Variants in CHRM3 observed in about 807,000 individuals in gnomAD.
The protein encoded by CHRM3 is muscarinic acetylcholine receptor M3.
CHRM3 carries 11 observed loss-of-function variants against 41.8 expected under a neutral mutation model. The ratio of observed to expected loss-of-function variants is 0.26; its 90% CI spans 0.17 to 0.44. CHRM3 has a LOEUF of 0.44. Among genes scored for constraint, CHRM3 ranks in the 20% least tolerant of loss-of-function variants. The pLI, the probability that CHRM3 is intolerant of heterozygous loss-of-function variation, is 1.00. For synonymous variants in CHRM3, 297 were observed against 301.4 expected (o/e 0.99, Z 0.15); for missense variants, 571 against 745.4 (o/e 0.77, Z 2.72).
intron 3 of CHRM3, among the ~76,000 whole-genome samples, chr1:239,549,034 A>G (rs1659555204): frequency 6.6e-6 from 1 of 152,148 alleles, no homozygotes; most frequent in Non-Finnish European, 1.5e-5. Flanking sequence ...GGAGCAAGTC[A>G]CATTTTACAT....
chr1:239,676,262 T>G (rs923521817), intron 4 of CHRM3, among the ~76,000 whole-genome samples: 1 of 152,142 alleles, frequency 6.6e-6, no homozygotes, highest in African/African-American at 2.4e-5. Context: ...CAGGGGAAAT[T>G]TGAGGATCAT....
rs112956335 is a variant in CHRM3 at position 239,715,756 on chromosome 1, A to C, written c.-147+37468A>C. On this transcript the variant is annotated intron_variant, in intron 5 of 6. Transcript: ENST00000676153. ...CAAAGAGTTAGGCTGGAATCAGTTC[A>C]TAGGGAGGAAAGGACATTGAGTTAA... is the stretch of plus-strand genomic sequence containing the variant. 3.1e-3 allele frequency among the ~76,000 whole-genome samples: 474 copies of C among 152,256 alleles called. 4 individuals are homozygous for C. The highest frequency in any genetic ancestry group is 0.01 in the African/African-American group (431 of 41,574).
intron 5 of CHRM3, among the ~76,000 whole-genome samples, chr1:239,750,814 G>C (rs1665747024): frequency 6.6e-6 from 1 of 152,074 alleles, no homozygotes; most frequent in South Asian, 2.1e-4. Context: ...TGGTTGGTAG[G>C]GCTGCCCAAT....
Position 239,404,418 on chromosome 1 carries a change from GAAAGAAAGAA to G in CHRM3, c.-521+17193_-521+17202del, listed in dbSNP as rs1558195844. On this transcript the variant is annotated intron_variant, in intron 1 of 6. Coordinates refer to ENST00000676153, the MANE Select transcript of CHRM3 (RefSeq NM_001375978.1). The stretch of plus-strand genomic sequence containing the variant: ...AAAGAAAGAAAGAAAGAAAAAGAAA[GAAAGAAAGAA>G]AGAAAGAAAGAAAGAAAGAAAGAAA... Among the ~76,000 whole-genome samples the G allele has an allele frequency of 3.1e-4, 25 of 80,374 alleles. 1 individual carries two copies. The East Asian group carries it at 7.8e-3, about 25-fold the overall frequency. 52.7% of individuals were successfully genotyped at this position (80,374 alleles called of 152,430 possible). A position where few individuals can be genotyped will look rare whatever the true frequency, so the allele number is the denominator to read the frequency against.
intron 4 of CHRM3, among the ~76,000 whole-genome samples, chr1:239,664,645 C>T (rs1268708850): frequency 2.0e-5 from 3 of 152,150 alleles, no homozygotes; most frequent in African/African-American, 7.2e-5. Flanking sequence ...GTTGTCCAGT[C>T]TCCCTCCCTG....
At position 239,589,214 on chromosome 1, in the gene CHRM3, G is replaced by A. The variant is rs111511832; in HGVS notation, c.-312-43010G>A. ...CTCCCAAATTGCTGGGATTACAGGC[G>A]TGAGCCACTGTGCCCAGTCTGAAAC... On this transcript the variant is annotated intron_variant, in intron 3 of 6. Transcript: ENST00000676153. Among the ~76,000 whole-genome samples the A allele has an allele frequency of 1.4e-3, 216 of 152,200 alleles. 3 individuals are homozygous for A. In the East Asian group the frequency reaches 0.022, roughly 16 times the overall value.
intron 5 of CHRM3, among the ~76,000 whole-genome samples, chr1:239,760,477 C>G (rs1172447948): frequency 6.7e-6 from 1 of 149,402 alleles, no homozygotes; most frequent in Non-Finnish European, 1.5e-5. Flanking sequence ...CTTGCCTGTT[C>G]GTCTACCTTT....
At position 239,889,317 on chromosome 1, in the gene CHRM3, C is replaced by T. The variant is rs558446941; in HGVS notation, c.-19-18116C>T. On this transcript the variant is annotated intron_variant, in intron 6 of 6. Coordinates refer to ENST00000676153, the MANE Select transcript of CHRM3 (RefSeq NM_001375978.1). ...TTGCATAGGGGTCAATTTCTGGTAG[C>T]CCCCCCTCTAATCTTTTATTATGCA... Among the ~76,000 whole-genome samples, 7 of 151,640 alleles carry T rather than the reference C, an allele frequency of 4.6e-5. No homozygotes were observed. The South Asian group carries it at 6.2e-4, about 13-fold the overall frequency.
At chr1:239,576,274 C>A (rs951650912) in intron 3 of CHRM3, among the ~76,000 whole-genome samples, 3 of 68,908 alleles carry the variant, frequency 4.4e-5, no homozygotes, top group Non-Finnish European at 4.4e-5. Context: ...TCCCTACCCA[C>A]CCCCATCCCC....
intron 6 of CHRM3, among the ~76,000 whole-genome samples, chr1:239,838,329 G>A (rs1484029724): frequency 2.0e-5 from 3 of 152,072 alleles, no homozygotes; most frequent in African/African-American, 7.2e-5. Context: ...TGGGCAGAAA[G>A]GAGTGATTTG....
At chr1:239,607,472 C>G (rs1488285459) in intron 3 of CHRM3, among the ~76,000 whole-genome samples, 2 of 151,844 alleles carry the variant, frequency 1.3e-5, no homozygotes, top group Non-Finnish European at 2.9e-5. Flanking sequence ...TTTTATGTCC[C>G]TAGGGAATAA....
At chr1:239,716,341 G>A (rs1662360926) in intron 5 of CHRM3, among the ~76,000 whole-genome samples, 1 of 152,104 alleles carries the variant, frequency 6.6e-6, no homozygotes, top group Non-Finnish European at 1.5e-5. Context: ...AAGTATAGAG[G>A]TGGCCAAGTT....
intron 5 of CHRM3, among the ~76,000 whole-genome samples, chr1:239,815,737 T>C (rs573589059): frequency 6.6e-6 from 1 of 152,288 alleles, no homozygotes; most frequent in South Asian, 2.1e-4. Flanking sequence ...GTAAATTGAC[T>C]TTGGGAGGAG....
chr1:239,902,974 G>T (rs1302056020), intron 6 of CHRM3, among the ~76,000 whole-genome samples: 5 of 152,170 alleles, frequency 3.3e-5, no homozygotes, highest in Non-Finnish European at 7.3e-5. Flanking sequence ...AAACGTATTA[G>T]ATATTGAATG....
At chr1:239,882,028 C>T (rs1462345207) in intron 6 of CHRM3, among the ~76,000 whole-genome samples, 1 of 152,148 alleles carries the variant, frequency 6.6e-6, no homozygotes, top group African/African-American at 2.4e-5. Context: ...GCCTCAGCCT[C>T]CTGAGTAGCT....
chr1:239,766,803 G>T (rs757287915), intron 5 of CHRM3, among the ~76,000 whole-genome samples: 1 of 152,064 alleles, frequency 6.6e-6, no homozygotes, highest in Non-Finnish European at 1.5e-5. Flanking sequence ...CCTTCATCTC[G>T]TGGGTTCTAA....
At chr1:239,503,603 GC>G (rs1668381634) in intron 2 of CHRM3, among the ~76,000 whole-genome samples, 1 of 151,958 alleles carries the variant, frequency 6.6e-6, no homozygotes, top group Non-Finnish European at 1.5e-5. Flanking sequence ...GGCCTGCATA[GC>G]CAAAGCAATA....
intron 1 of CHRM3, among the ~76,000 whole-genome samples, chr1:239,477,428 C>T (rs1041897844): frequency 6.6e-6 from 1 of 152,260 alleles, no homozygotes; most frequent in Admixed American, 6.5e-5. Context: ...CATTCAAGAC[C>T]TGGCAAAGCA....
chr1:239,436,495 G>A (rs1409796617), intron 1 of CHRM3, among the ~76,000 whole-genome samples: 1 of 152,056 alleles, frequency 6.6e-6, no homozygotes, highest in Non-Finnish European at 1.5e-5. Context: ...GCACGGTGCT[G>A]TGTGCAGTCT....
Sources: allele counts gnomAD v4.1 joint callset (sites outside exome capture counted in the v4.1 genomes callset), GRCh38; gene constraint gnomAD v4.1.1; transcripts MANE v1.5; gene names NCBI Gene and HGNC (gene_info 2026-07-23, HGNC 2026-07-21).